NREP: variants seen among roughly 807,000 people sequenced by gnomAD.
NREP encodes neuronal regeneration related protein.
Under a neutral mutation model 8.6 loss-of-function variants are expected in NREP, and 5 were observed. The ratio of observed to expected loss-of-function variants is 0.58; its 90% CI spans 0.30 to 1.22. The LOEUF (loss-of-function observed/expected upper bound fraction) is 1.22, where lower values mean the gene tolerates loss of function less well. NREP is among the 50% of genes most tolerant of loss of function. The pLI, the probability that NREP is intolerant of heterozygous loss-of-function variation, is 0.07. For synonymous variants in NREP, 27 were observed against 28.0 expected (o/e 0.96, Z 0.11); for missense variants, 86 against 82.5 (o/e 1.04, Z -0.17).
chr5:111,870,452 C>T (rs137946817), intron 2 of NREP, among the ~76,000 whole-genome samples: 1 of 152,094 alleles, frequency 6.6e-6, no homozygotes, highest in Non-Finnish European at 1.5e-5. Flanking sequence ...AGAAAATTAG[C>T]ACATCAAATG....
intron 2 of NREP, among the ~76,000 whole-genome samples, chr5:111,785,395 C>G (rs1305038012): frequency 2.0e-5 from 3 of 152,290 alleles, no homozygotes; most frequent in South Asian, 2.1e-4. Flanking sequence ...TCTCCTGCCT[C>G]AGCCTCCTGA....
intron 2 of NREP, among the ~76,000 whole-genome samples, chr5:111,944,494 G>A (rs979852638): frequency 2.6e-5 from 4 of 152,062 alleles, no homozygotes; most frequent in African/African-American, 9.7e-5. Flanking sequence ...TTTTTGTAGA[G>A]ATGACGTCTT....
At chr5:111,735,342 G>A (rs952400667) in intron 3 of NREP, 88 bp downstream of exon 3, 6 of 825,948 alleles carry the variant, frequency 7.3e-6, no homozygotes, top group Non-Finnish European at 1.2e-5. Context: ...GCCTATAATG[G>A]GTATTCAAAT....
Position 111,735,520 on chromosome 5 carries a change from A to C in NREP, c.4-13T>G. ...CTGGGTAATAAACCTATAGAGACAC[A>C]AAAGCATACACATTCAGATTAAAAA... On this transcript the variant is annotated splice_polypyrimidine_tract_variant and intron_variant, in intron 2 of 3. Transcript: ENST00000257435. The C allele has an allele frequency of 1.3e-6, 2 of 1,587,582 alleles. No homozygotes were observed.
At chr5:111,917,120 G>A (rs146076490) in intron 2 of NREP, among the ~76,000 whole-genome samples, 1 of 152,202 alleles carries the variant, frequency 6.6e-6, no homozygotes, top group East Asian at 1.9e-4. Context: ...CTTCCCGCAT[G>A]CATGGTGTCC....
intron 2 of NREP, among the ~76,000 whole-genome samples, chr5:111,799,856 G>T (rs1197929993): frequency 6.6e-6 from 1 of 152,182 alleles, no homozygotes; most frequent in Non-Finnish European, 1.5e-5. Context: ...GAAATACAGT[G>T]AAAGAATGTT....
intron 3 of NREP, chr5:111,732,572 T>C (rs1748688999): frequency 1.3e-5 from 2 of 151,342 alleles, no homozygotes; most frequent in Admixed American, 6.6e-5. Context: ...GGGTCTAGAT[T>C]CAATTTCCAA....
intron 2 of NREP, among the ~76,000 whole-genome samples, chr5:111,904,176 T>C (rs1754719859): frequency 6.6e-6 from 1 of 152,142 alleles, no homozygotes; most frequent in Non-Finnish European, 1.5e-5. Context: ...ATTCATGTGG[T>C]ATTTGTTACT....
rs58877839 is a variant in NREP at position 111,964,855 on chromosome 5, C to CAA, written c.135+10417_135+10418dup. ...AGTCTACTTAGAATGCTTTCAGCAG[C>CAA]AAAAAAAAAAAAAAAAAAAAAAAAA... On this transcript the variant is annotated intron_variant, in intron 2 of 3. Coordinates refer to the NREP transcript ENST00000395634. Among the ~76,000 whole-genome samples the CAA allele has an allele frequency of 1.6e-3, 72 of 44,874 alleles. 6 individuals are homozygous for CAA. Among genetic ancestry groups the CAA allele is most frequent in the Non-Finnish European group, 1.7e-3 (37 of 21,516 alleles). 29.4% of individuals were successfully genotyped at this position (44,874 alleles called of 152,430 possible).
At chr5:111,861,514 A>G (rs1753543086) in intron 2 of NREP, among the ~76,000 whole-genome samples, 1 of 152,160 alleles carries the variant, frequency 6.6e-6, no homozygotes, top group Admixed American at 6.6e-5. Flanking sequence ...TACCTTCCAC[A>G]GATCTCCCTT....
Position 111,731,862 on chromosome 5 carries a change from G to C in NREP, c.82-816C>G, listed in dbSNP as rs1405034868. The C allele has an allele frequency of 3.3e-5, 5 of 152,514 alleles. No homozygotes were observed. In the East Asian group the frequency reaches 9.7e-4, roughly 29 times the overall value. The allele number at this position is 152,514 out of a possible 1,614,324, so 9.4% of individuals were successfully genotyped here. A position where few individuals can be genotyped will look rare whatever the true frequency, so the allele number is the denominator to read the frequency against. The stretch of plus-strand genomic sequence containing the variant: ...CTGCTGCAGCGCCAACAGTGGAGAG[G>C]AGCTCTCCATCACAACCAGACAGCA... On this transcript the variant is annotated intron_variant, in intron 3 of 3. Transcript: ENST00000257435.
At chr5:111,971,987 C>T (rs933400048) in intron 2 of NREP, among the ~76,000 whole-genome samples, 8 of 151,850 alleles carry the variant, frequency 5.3e-5, no homozygotes, top group Admixed American at 5.2e-4. Flanking sequence ...ATTTGCAAAC[C>T]ATATATTTGA....
chr5:111,775,145 C>G (rs2112876901), intron 2 of NREP, among the ~76,000 whole-genome samples: 1 of 152,174 alleles, frequency 6.6e-6, no homozygotes, highest in South Asian at 2.1e-4. Flanking sequence ...TCTGCCTTAG[C>G]CCCGAAAGTA....
At chr5:111,853,255 AGGT>A (rs1753351877) in intron 2 of NREP, among the ~76,000 whole-genome samples, 1 of 152,156 alleles carries the variant, frequency 6.6e-6, no homozygotes, top group South Asian at 2.1e-4. Flanking sequence ...AGGGATGAAT[AGGT>A]GGAGCACAGG....
At chr5:111,825,405 T>A (rs1328800815) in intron 2 of NREP, among the ~76,000 whole-genome samples, 3 of 152,174 alleles carry the variant, frequency 2.0e-5, no homozygotes, top group African/African-American at 7.2e-5. Context: ...TCCCTATGCT[T>A]TTTTCATTTT....
chr5:111,831,386 T>A (rs1752764395), intron 2 of NREP, among the ~76,000 whole-genome samples: 1 of 152,170 alleles, frequency 6.6e-6, no homozygotes, highest in East Asian at 1.9e-4. Context: ...AACTAGTCTA[T>A]GGCATGTCTT....
chr5:111,869,763 C>T (rs940926258), intron 2 of NREP, among the ~76,000 whole-genome samples: 1 of 152,116 alleles, frequency 6.6e-6, no homozygotes, highest in Non-Finnish European at 1.5e-5. Context: ...TCAAAAACAA[C>T]AGAAGCAGGG....
rs565995878 is a variant in NREP at position 111,794,122 on chromosome 5, A to C, written c.136-58615T>G. Among the ~76,000 whole-genome samples, 57 of 152,356 alleles carry C rather than the reference A, an allele frequency of 3.7e-4. No individual in the cohort carries two copies. In the South Asian group the frequency reaches 4.4e-3, roughly 12 times the overall value. On this transcript the variant is annotated intron_variant, in intron 2 of 3. Coordinates refer to the NREP transcript ENST00000395634. ...TCAATTGAATTTAAAACAATGAGAT[A>C]CAACTAAACATCTGTTACAATGCCA...
intron 2 of NREP, among the ~76,000 whole-genome samples, chr5:111,878,104 C>G (rs1324311590): frequency 6.6e-6 from 1 of 152,208 alleles, no homozygotes; most frequent in African/African-American, 2.4e-5. Context: ...AAAACCTCCC[C>G]TGGTGAAGGC....
Sources: allele counts gnomAD v4.1 joint callset (sites outside exome capture counted in the v4.1 genomes callset), GRCh38; gene constraint gnomAD v4.1.1; transcripts MANE v1.5; gene names NCBI Gene and HGNC (gene_info 2026-07-23, HGNC 2026-07-21).